The following ARHGAP24 variants were observed in gnomAD, a reference collection of about 807,000 sequenced individuals.
The protein encoded by ARHGAP24 is rho GTPase-activating protein 24.
Under a neutral mutation model 76.4 loss-of-function variants are expected in ARHGAP24, and 50 were observed. The ratio of observed to expected loss-of-function variants is 0.65; its 90% CI spans 0.52 to 0.83. The LOEUF (loss-of-function observed/expected upper bound fraction) is 0.83. Ranked by LOEUF, ARHGAP24 falls within the 40% of genes least tolerant of loss-of-function variation. The pLI, the probability that ARHGAP24 is intolerant of heterozygous loss-of-function variation, is 0.00. For synonymous variants in ARHGAP24, 345 were observed against 323.3 expected (o/e 1.07, Z -0.72); for missense variants, 930 against 914.2 (o/e 1.02, Z -0.22).
intron 2 of ARHGAP24, among the ~76,000 whole-genome samples, chr4:85,609,296 G>A (rs1720306428): frequency 6.6e-6 from 1 of 152,120 alleles, no homozygotes; most frequent in Admixed American, 6.5e-5. Context: ...TTAGCCAGGA[G>A]GAGCAATAGT....
chr4:85,769,545 C>T (rs1303091590), intron 3 of ARHGAP24, among the ~76,000 whole-genome samples: 1 of 151,840 alleles, frequency 6.6e-6, no homozygotes, highest in Non-Finnish European at 1.5e-5. Context: ...TATAATTATA[C>T]ATATATATGG....
At chr4:85,810,555 T>G (rs970936317) in intron 3 of ARHGAP24, among the ~76,000 whole-genome samples, 1 of 152,206 alleles carries the variant, frequency 6.6e-6, no homozygotes, top group African/African-American at 2.4e-5. Context: ...TTTCTTACTT[T>G]TCTAGACTCC....
At chr4:85,604,312 A>G (rs1430684392) in intron 2 of ARHGAP24, 1 of 152,236 alleles carries the variant, frequency 6.6e-6, no homozygotes, top group Non-Finnish European at 1.5e-5. Context: ...CTGTGAGTAT[A>G]TCTTTAACAA....
intron 2 of ARHGAP24, among the ~76,000 whole-genome samples, chr4:85,577,045 G>T (rs1482388240): frequency 6.6e-6 from 1 of 151,524 alleles, no homozygotes; most frequent in African/African-American, 2.4e-5. Context: ...TGGTAAGCAT[G>T]AAATAAACAT....
intron 1 of ARHGAP24, among the ~76,000 whole-genome samples, chr4:85,551,233 C>T (rs192953424): frequency 2.6e-5 from 4 of 152,182 alleles, no homozygotes; most frequent in African/African-American, 9.6e-5. Flanking sequence ...GGGTTTTAAC[C>T]TGAAGGGATG....
chr4:85,583,999 G>A (rs564410421), intron 2 of ARHGAP24, among the ~76,000 whole-genome samples: 4 of 148,824 alleles, frequency 2.7e-5, no homozygotes, highest in African/African-American at 7.8e-5. Flanking sequence ...TGGTGGGACC[G>A]TAAACTAGTT....
At chr4:85,870,667 C>T (rs1329097975) in intron 3 of ARHGAP24, among the ~76,000 whole-genome samples, 1 of 152,020 alleles carries the variant, frequency 6.6e-6, no homozygotes, top group Non-Finnish European at 1.5e-5. Flanking sequence ...GGATAGTTAT[C>T]TATAGGTCTT....
chr4:85,860,770 A>C (rs1431830682), intron 3 of ARHGAP24, among the ~76,000 whole-genome samples: 2 of 152,208 alleles, frequency 1.3e-5, no homozygotes, highest in African/African-American at 2.4e-5. Context: ...ATTAGTTATT[A>C]AAATGATTCA....
At chr4:85,936,990 TG>T (rs1736672426) in intron 4 of ARHGAP24, among the ~76,000 whole-genome samples, 1 of 152,162 alleles carries the variant, frequency 6.6e-6, no homozygotes, top group South Asian at 2.1e-4. Context: ...ATGAAGAGGC[TG>T]AGATCAGCTT....
intron 5 of ARHGAP24, 155 bp downstream of exon 5, chr4:85,942,428 T>A: frequency 5.6e-6 from 5 of 896,624 alleles, no homozygotes; most frequent in Admixed American, 4.7e-5. Context: ...TCTATTAAGT[T>A]ACAAAGTCAA....
At chr4:85,576,819 T>G (rs1291496624) in intron 2 of ARHGAP24, among the ~76,000 whole-genome samples, 2 of 152,168 alleles carry the variant, frequency 1.3e-5, no homozygotes, top group Admixed American at 6.6e-5. Flanking sequence ...AATAACTTTT[T>G]TAAGAGTAAA....
chr4:85,507,312 A>C (rs1269028404), intron 1 of ARHGAP24, among the ~76,000 whole-genome samples: 1 of 152,058 alleles, frequency 6.6e-6, no homozygotes, highest in East Asian at 1.9e-4. Context: ...GCCTTAACAT[A>C]CTGGGCACAA....
At chr4:85,937,500 A>G (rs1023997870) in intron 4 of ARHGAP24, among the ~76,000 whole-genome samples, 4 of 152,298 alleles carry the variant, frequency 2.6e-5, no homozygotes, top group African/African-American at 9.6e-5. Flanking sequence ...AATAATTAAT[A>G]TGTAGTGAAA....
intron 1 of ARHGAP24, among the ~76,000 whole-genome samples, chr4:85,514,897 G>A (rs1382817800): frequency 2.0e-5 from 3 of 146,844 alleles, no homozygotes; most frequent in East Asian, 2.1e-4. Flanking sequence ...CTGAGACAAG[G>A]ATTAAAGTGA....
intron 1 of ARHGAP24, among the ~76,000 whole-genome samples, chr4:85,497,761 G>A (rs1008182142): frequency 6.6e-6 from 1 of 152,026 alleles, no homozygotes; most frequent in Non-Finnish European, 1.5e-5. Flanking sequence ...TGGAGGTTGC[G>A]GTGAGCCAAG....
In ARHGAP24 at chr4:85,721,985, C is replaced by T; in HGVS notation, c.268+13C>T. The T allele has an allele frequency of 6.2e-7, 1 of 1,606,464 alleles. No individual in the cohort carries two copies. Among genetic ancestry groups the T allele is most frequent in the Non-Finnish European group, 8.5e-7 (1 of 1,173,484 alleles). On this transcript the variant is annotated intron_variant, in intron 3 of 9. Coordinates refer to ENST00000395184, the MANE Select transcript of ARHGAP24 (RefSeq NM_001025616.3). Reference sequence around the variant, plus strand: ...GAAGTAGTTCCAGGTAAGATATTTTCCTAGTCTGATTAAATTATTGTCATC... The same window carrying T: ...GAAGTAGTTCCAGGTAAGATATTTTTCTAGTCTGATTAAATTATTGTCATC...
chr4:85,920,614 T>A (rs1003031120), intron 3 of ARHGAP24, among the ~76,000 whole-genome samples: 62 of 151,610 alleles, frequency 4.1e-4, no homozygotes, highest in African/African-American at 1.2e-3. Context: ...TGGGAGAAAA[T>A]TTTTGCATGC....
At chr4:85,824,380 A>G (rs1333946647) in intron 3 of ARHGAP24, among the ~76,000 whole-genome samples, 2 of 152,238 alleles carry the variant, frequency 1.3e-5, no homozygotes, top group Non-Finnish European at 2.9e-5. Context: ...TTCACACACT[A>G]GAAACAACCC....
intron 2 of ARHGAP24, among the ~76,000 whole-genome samples, chr4:85,643,234 G>GTT (rs70948741): frequency 6.6e-4 from 36 of 54,630 alleles, no homozygotes; most frequent in East Asian, 2.0e-3. Context: ...GTTTTTTTGT[G>GTT]TTTTTTTTTT....
Sources: gnomAD v4.1 joint callset for allele counts (sites outside exome capture counted in the v4.1 genomes callset) on GRCh38, gnomAD v4.1.1 for gene constraint, MANE v1.5 for transcripts, NCBI Gene and HGNC (gene_info 2026-07-23, HGNC 2026-07-21) for gene names.